The following PPP2R5C variants were observed in gnomAD, a reference collection of about 807,000 sequenced individuals.
PPP2R5C encodes the protein serine/threonine-protein phosphatase 2A 56 kDa regulatory subunit gamma isoform.
In PPP2R5C, 7 loss-of-function variants were observed where a neutral mutation model predicts 68.9. The ratio of observed to expected loss-of-function variants is 0.10; its 90% CI spans 0.06 to 0.19. PPP2R5C has a LOEUF of 0.19. Among genes scored for constraint, PPP2R5C ranks in the 10% least tolerant of loss-of-function variants. PPP2R5C has a pLI of 1.00. For missense variants in PPP2R5C, 348 were observed against 641.3 expected, an observed-to-expected ratio of 0.54 and a Z score of 4.94; for synonymous variants, 210 against 222.2, an observed-to-expected ratio of 0.95 and a Z score of 0.49.
intron 3 of PPP2R5C, among the ~76,000 whole-genome samples, chr14:101,795,232 A>G (rs2038551988): frequency 6.6e-6 from 1 of 152,182 alleles, no homozygotes; most frequent in Admixed American, 6.5e-5. Flanking sequence ...AAGAGCAGGC[A>G]TTTTCAAAAA....
upstream of PPP2R5C, among the ~76,000 whole-genome samples, chr14:101,807,744 A>C (rs1274148829): frequency 1.3e-5 from 2 of 152,116 alleles, no homozygotes; most frequent in African/African-American, 4.8e-5. Context: ...ATAGGGTTTC[A>C]AAAGAGTGTG....
chr14:101,815,194 A>C (rs1221732444), intron 1 of PPP2R5C, among the ~76,000 whole-genome samples: 1 of 152,158 alleles, frequency 6.6e-6, no homozygotes, highest in African/African-American at 2.4e-5. Flanking sequence ...CCTCTTGCCC[A>C]GGGCCACAGA....
In PPP2R5C at chr14:101,915,293, G is replaced by T. The variant is rs551351130; in HGVS notation, c.1327-2538G>T. On this transcript the variant is annotated intron_variant, in intron 12 of 13. Coordinates refer to ENST00000334743, the Ensembl canonical transcript of PPP2R5C. The surrounding 1 kb of genome is among the most constrained non-coding windows in gnomAD (Gnocchi z 4.2). ...GACGGGGTTTCACTATGTTGGCCAG[G>T]CTGGTCTCGAACTCCTGACCTTGTG... Among the ~76,000 whole-genome samples the T allele has an allele frequency of 6.6e-6, 1 of 152,122 alleles. No homozygotes were observed. The highest frequency in any genetic ancestry group is 1.5e-5 in the Non-Finnish European group (1 of 68,028).
intron 2 of PPP2R5C, among the ~76,000 whole-genome samples, chr14:101,869,966 C>T (rs1032934694): frequency 1.3e-5 from 2 of 151,156 alleles, no homozygotes; most frequent in African/African-American, 4.9e-5. Flanking sequence ...CATTTTTTCC[C>T]TGCGCTTTTT....
At chr14:101,838,282 C>T (rs1296279622) in intron 1 of PPP2R5C, among the ~76,000 whole-genome samples, 6 of 152,214 alleles carry the variant, frequency 3.9e-5, no homozygotes, top group Admixed American at 6.5e-5. Flanking sequence ...GAAATCATAG[C>T]GTGTAAGAAG....
In PPP2R5C at chr14:101,781,863, C is replaced by T. The variant is rs1018064694; in HGVS notation, c.94-4155C>T. Among the ~76,000 whole-genome samples the T allele has an allele frequency of 6.6e-6, 1 of 151,866 alleles. No individual in the cohort carries two copies. Among genetic ancestry groups the T allele is most frequent in the African/African-American group, 2.4e-5 (1 of 41,316 alleles). ...TTCATCCTCCAGCCGTGGCCGTGGC[C>T]GTGGCCAGGTGTACCGGAGCGGCAC... On this transcript the variant is annotated intron_variant, in intron 2 of 14. Transcript: ENST00000328724. The surrounding 1 kb of genome is among the most constrained non-coding windows in gnomAD (Gnocchi z 6.4).
rs551526968 is a variant in PPP2R5C, at chr14:101,888,980, C to T, written c.630-1257C>T. On this transcript the variant is annotated intron_variant, in intron 5 of 13. Transcript: ENST00000334743. The surrounding 1 kb of genome is among the most constrained non-coding windows in gnomAD (Gnocchi z 5.6). Reference sequence around the variant, plus strand: ...GGCACAGACCTTTGTTCCAGCCAAACGAGTTCTTCTCCCTCTCCACACTGC... The same window carrying T: ...GGCACAGACCTTTGTTCCAGCCAAATGAGTTCTTCTCCCTCTCCACACTGC... Among the ~76,000 whole-genome samples the T allele has an allele frequency of 1.6e-4, 24 of 151,998 alleles. No homozygotes were observed. In the South Asian group the frequency reaches 4.8e-3, roughly 30 times the overall value.
At chr14:101,787,050 G>A (rs1409813058) in intron 3 of PPP2R5C, among the ~76,000 whole-genome samples, 4 of 152,080 alleles carry the variant, frequency 2.6e-5, no homozygotes, top group Non-Finnish European at 5.9e-5. Context: ...CCAGGAGTTC[G>A]AGACCAGCCT....
At chr14:101,766,615 A>G (rs532246804) in intron 2 of PPP2R5C, 1 of 152,300 alleles carries the variant, frequency 6.6e-6, no homozygotes, top group Admixed American at 6.5e-5. Context: ...CTTCTCTTTC[A>G]GATAGAATGG....
chr14:101,834,811 A>C (rs1050129886), intron 1 of PPP2R5C, among the ~76,000 whole-genome samples: 2 of 152,222 alleles, frequency 1.3e-5, no homozygotes, highest in Non-Finnish European at 2.9e-5. Context: ...CTCTCCCAAG[A>C]TGACTTTGCC....
Position 101,901,661 on chromosome 14 carries a change from C to T in PPP2R5C, c.853-58C>T, listed in dbSNP as rs1049476806. 1.3e-4 allele frequency: 200 copies of T among 1,555,552 alleles called. No individual in the cohort carries two copies. In the South Asian group the frequency reaches 1.8e-3, roughly 14 times the overall value. ...CGCAGTGAAAACACAGACTTCTTACCATGCAGGTGTTGGGGCCTCGTGGGC... is the reference window on the plus strand; with the variant it reads ...CGCAGTGAAAACACAGACTTCTTACTATGCAGGTGTTGGGGCCTCGTGGGC... On this transcript the variant is annotated intron_variant, in intron 8 of 13. Transcript: ENST00000334743.
intron 1 of PPP2R5C, among the ~76,000 whole-genome samples, chr14:101,842,850 A>G (rs1595350915): frequency 1.3e-5 from 2 of 148,382 alleles, no homozygotes; most frequent in East Asian, 4.0e-4. Flanking sequence ...GATCACCGCT[A>G]CTACTATGTC....
intron 1 of PPP2R5C, chr14:101,831,749 T>C: frequency 1.4e-6 from 1 of 702,496 alleles, no homozygotes; most frequent in Non-Finnish European, 2.6e-6. Context: ...GGGCCAACTT[T>C]TCATACGCAC....
chr14:101,827,575 T>C (rs1222728034), intron 1 of PPP2R5C, among the ~76,000 whole-genome samples: 1 of 152,248 alleles, frequency 6.6e-6, no homozygotes, highest in Non-Finnish European at 1.5e-5. Context: ...TGTTGCTTTC[T>C]CTCGCGAAGC....
chr14:101,845,332 C>CTA (rs980337767), intron 1 of PPP2R5C, among the ~76,000 whole-genome samples: 29 of 152,226 alleles, frequency 1.9e-4, no homozygotes, highest in African/African-American at 6.7e-4. Flanking sequence ...AACCGGGAGT[C>CTA]AGTTTGTTCT....
At chr14:101,894,389 TTGTC>T (rs1341845171) in intron 7 of PPP2R5C, 114 bp from the exon 10 acceptor site, 2 of 837,916 alleles carry the variant, frequency 2.4e-6, no homozygotes, top group Non-Finnish European at 4.0e-6. Flanking sequence ...CACAAGGGCT[TTGTC>T]TGTACCGTGG....
At chr14:101,926,475 A>T (rs1354394342) in exon 14 of PPP2R5C, 2 of 152,656 alleles carry the variant, frequency 1.3e-5, no homozygotes, top group Non-Finnish European at 2.9e-5. Flanking sequence ...TTTGTTTTAG[A>T]TGGAATAGCA....
In PPP2R5C at chr14:101,821,876, C is replaced by T. The variant is rs117969461; in HGVS notation, c.94+11840C>T. Among the ~76,000 whole-genome samples, 1,169 of 152,138 alleles carry T rather than the reference C, an allele frequency of 7.7e-3. 6 individuals carry two copies. Among genetic ancestry groups the T allele is most frequent in the Non-Finnish European group, 0.012 (849 of 68,006 alleles). ...TGTGATGACCGGGCCAGAGTGAAAC[C>T]ATGTTGTCTGATTTTAGAACAGAGG... is the stretch of plus-strand genomic sequence containing the variant. On this transcript the variant is annotated intron_variant, in intron 1 of 13. Transcript: ENST00000334743.
intron 3 of PPP2R5C, among the ~76,000 whole-genome samples, chr14:101,788,395 G>A (rs937925172): frequency 4.6e-5 from 7 of 152,174 alleles, no homozygotes; most frequent in Non-Finnish European, 5.9e-5. Flanking sequence ...TTTTGTCGCC[G>A]TATATTATTC....
Sources: gnomAD v4.1 joint callset for allele counts (sites outside exome capture counted in the v4.1 genomes callset) on GRCh38, gnomAD v4.1.1 for gene constraint, Gnocchi (gnomAD v3.1) non-coding constraint, MANE v1.5 for transcripts, NCBI Gene and HGNC (gene_info 2026-07-23, HGNC 2026-07-21) for gene names.